ANKS1B: variants seen among roughly 807,000 people sequenced by gnomAD.
ANKS1B encodes ankyrin repeat and sterile alpha motif domain containing 1B.
ANKS1B carries 36 observed loss-of-function variants against 148.3 expected under a neutral mutation model. That is an observed-to-expected ratio of 0.24 (90% CI 0.19 to 0.32). The LOEUF is 0.32. Among genes scored for constraint, ANKS1B ranks in the 10% least tolerant of loss-of-function variants. The pLI is 1.00. For synonymous variants in ANKS1B, 542 were observed against 560.8 expected (o/e 0.97, Z 0.47); for missense variants, 1,157 against 1,542.6 (o/e 0.75, Z 4.19).
chr12:99,464,838 G>T (rs2096067750), intron 10 of ANKS1B, among the ~76,000 whole-genome samples: 1 of 152,188 alleles, frequency 6.6e-6, no homozygotes, highest in Non-Finnish European at 1.5e-5. Context: ...AAAGTGACGG[G>T]GAGAATGGAA....
rs184836178 is a variant in ANKS1B, at chr12:99,215,512, G to A, written c.2419+28830C>T. On this transcript the variant is annotated intron_variant, in intron 14 of 26. Transcript: ENST00000683438. ...CCAGCCTGTGAAAGCAGCTGGGAGC[G>A]GCACTGTATCCTGCAAAGTCATAGG... 1.6e-4 allele frequency among the ~76,000 whole-genome samples: 25 copies of A among 152,354 alleles called. No homozygotes were observed. The East Asian group carries it at 4.3e-3, about 26-fold the overall frequency.
intron 1 of ANKS1B, among the ~76,000 whole-genome samples, chr12:99,921,959 T>A (rs1423638849): frequency 6.6e-6 from 1 of 152,146 alleles, no homozygotes; most frequent in Non-Finnish European, 1.5e-5. Context: ...AATGGACATA[T>A]AATGGATAAC....
chr12:99,960,608 C>T (rs1387084510), intron 1 of ANKS1B, among the ~76,000 whole-genome samples: 1 of 152,136 alleles, frequency 6.6e-6, no homozygotes, highest in Non-Finnish European at 1.5e-5. Context: ...AATAAGAAAA[C>T]CCTGGACTGT....
intron 15 of ANKS1B, among the ~76,000 whole-genome samples, chr12:99,118,837 G>A (rs941295077): frequency 6.6e-5 from 10 of 152,206 alleles, no homozygotes; most frequent in African/African-American, 2.4e-4. Context: ...CTTCTATTAG[G>A]ACTCAAGGGC....
chr12:98,962,598 T>G (rs1311566970), intron 17 of ANKS1B, among the ~76,000 whole-genome samples: 1 of 152,072 alleles, frequency 6.6e-6, no homozygotes, highest in African/African-American at 2.4e-5. Flanking sequence ...CCAAATGCCC[T>G]TAATAGATAT....
chr12:98,828,933 A>G (rs2099272809), intron 19 of ANKS1B, among the ~76,000 whole-genome samples: 1 of 152,176 alleles, frequency 6.6e-6, no homozygotes, highest in African/African-American at 2.4e-5. Context: ...TTCTGGGTGC[A>G]ATGAGATCAG....
intron 17 of ANKS1B, among the ~76,000 whole-genome samples, chr12:99,020,547 C>T (rs2099945158): frequency 1.3e-5 from 2 of 152,078 alleles, no homozygotes; most frequent in African/African-American, 4.8e-5. Flanking sequence ...CCTGATGAAA[C>T]TGTAGTGTCA....
At chr12:99,312,166 G>T (rs1455085051) in intron 12 of ANKS1B, among the ~76,000 whole-genome samples, 4 of 152,112 alleles carry the variant, frequency 2.6e-5, no homozygotes, top group African/African-American at 7.2e-5. Context: ...TGTAATAGCT[G>T]CACAGTTTTG....
intron 17 of ANKS1B, among the ~76,000 whole-genome samples, chr12:98,926,968 G>A (rs1339631447): frequency 1.3e-5 from 2 of 152,060 alleles, no homozygotes; most frequent in Non-Finnish European, 2.9e-5. Flanking sequence ...AATAACAGCT[G>A]GGAACTCTCC....
intron 14 of ANKS1B, among the ~76,000 whole-genome samples, chr12:99,225,219 T>C (rs1472722750): frequency 6.6e-6 from 1 of 152,074 alleles, no homozygotes; most frequent in African/African-American, 2.4e-5. Context: ...AAATGACCCA[T>C]GGGGAAAATT....
At chr12:99,106,466 G>T (rs1024652496) in intron 15 of ANKS1B, among the ~76,000 whole-genome samples, 1 of 152,222 alleles carries the variant, frequency 6.6e-6, no homozygotes, top group Non-Finnish European at 1.5e-5. Context: ...CGTCTTGAAA[G>T]ATAATGTTTT....
At chr12:99,805,018 A>G (rs969443735) in intron 4 of ANKS1B, among the ~76,000 whole-genome samples, 2 of 152,154 alleles carry the variant, frequency 1.3e-5, no homozygotes, top group Admixed American at 1.3e-4. Context: ...CACACACAAG[A>G]GAACACAGCC....
intron 6 of ANKS1B, among the ~76,000 whole-genome samples, chr12:99,777,995 A>G (rs2063842449): frequency 6.6e-6 from 1 of 151,646 alleles, no homozygotes; most frequent in Non-Finnish European, 1.5e-5. Context: ...TCAGGAGATC[A>G]AGACCATCCT....
intron 9 of ANKS1B, among the ~76,000 whole-genome samples, chr12:99,528,432 C>CAAAAAAAAAAAAAAAAA (rs537716638): frequency 1.0e-5 from 1 of 96,690 alleles, no homozygotes; most frequent in Non-Finnish European, 2.2e-5. Context: ...AAAACAAAAA[C>CAAAAAAAAAAAAAAAAA]AAAAAAAAAA....
chr12:98,894,873 C>CA (rs1488188638), intron 17 of ANKS1B: 12 of 978,158 alleles, frequency 1.2e-5, no homozygotes, highest in Non-Finnish European at 1.2e-5. Context: ...GCGAGCTCCC[C>CA]GGGCCCGCGC....
At chr12:98,998,950 C>G (rs563832415) in intron 17 of ANKS1B, among the ~76,000 whole-genome samples, 6 of 152,262 alleles carry the variant, frequency 3.9e-5, no homozygotes, top group African/African-American at 1.4e-4. Context: ...TTGTTAATTG[C>G]TGAGATAGGC....
intron 9 of ANKS1B, among the ~76,000 whole-genome samples, chr12:99,557,224 T>C (rs1203480320): frequency 6.6e-6 from 1 of 152,212 alleles, no homozygotes; most frequent in Non-Finnish European, 1.5e-5. Flanking sequence ...TCTCTAGTGA[T>C]GTTGGAAACA....
chr12:99,281,000 A>G (rs1014633315), intron 12 of ANKS1B, among the ~76,000 whole-genome samples: 3 of 151,922 alleles, frequency 2.0e-5, no homozygotes, highest in African/African-American at 7.3e-5. Flanking sequence ...TGACTAACAC[A>G]TGAGCCTAAA....
intron 25 of ANKS1B, among the ~76,000 whole-genome samples, chr12:98,755,018 C>T (rs1304459957): frequency 9.9e-5 from 15 of 152,138 alleles, no homozygotes; most frequent in Admixed American, 9.8e-4. Flanking sequence ...GTCTGCAGCC[C>T]TCCTGTTTGT....
Sources: allele counts gnomAD v4.1 joint callset (sites outside exome capture counted in the v4.1 genomes callset), GRCh38; gene constraint gnomAD v4.1.1; transcripts MANE v1.5; gene names NCBI Gene and HGNC (gene_info 2026-07-23, HGNC 2026-07-21).